NETO1: variants seen among roughly 807,000 people sequenced by gnomAD.
The protein encoded by NETO1 is neuropilin and tolloid-like protein 1.
A neutral mutation model predicts 61.3 loss-of-function variants in NETO1; 26 were observed. The ratio of observed to expected loss-of-function variants is 0.42; its 90% confidence interval spans 0.31 to 0.59. The LOEUF is 0.59. Ranked by LOEUF, NETO1 falls within the 20% of genes least tolerant of loss-of-function variation. NETO1 has a pLI of 0.12. For synonymous variants in NETO1, 225 were observed against 225.8 expected (o/e 1.00, Z 0.03); for missense variants, 531 against 662.8 (o/e 0.80, Z 2.18).
intron 7 of NETO1, among the ~76,000 whole-genome samples, chr18:72,782,372 T>C (rs144427269): frequency 7.2e-4 from 110 of 152,316 alleles, no homozygotes; most frequent in Middle Eastern, 3.4e-3. Context: ...ATTGGGATTG[T>C]TGGGTCAAAT....
chr18:72,800,735 C>T (rs1333630041), intron 4 of NETO1, among the ~76,000 whole-genome samples: 1 of 152,128 alleles, frequency 6.6e-6, no homozygotes, highest in East Asian at 1.9e-4. Flanking sequence ...TGTCTCTTGA[C>T]CCTCTCTATC....
intron 7 of NETO1, among the ~76,000 whole-genome samples, chr18:72,782,984 G>C (rs963477348): frequency 6.6e-6 from 1 of 152,066 alleles, no homozygotes; most frequent in African/African-American, 2.4e-5. Context: ...CATGTCACAA[G>C]GTACTTATTT....
intron 7 of NETO1, among the ~76,000 whole-genome samples, chr18:72,771,654 T>C (rs2145177341): frequency 6.6e-6 from 1 of 152,292 alleles, no homozygotes; most frequent in African/African-American, 2.4e-5. Context: ...GGAGTGATTG[T>C]TTCCTACAAT....
chr18:72,743,323 T>A (rs554130046), downstream of NETO1, among the ~76,000 whole-genome samples: 2 of 152,176 alleles, frequency 1.3e-5, no homozygotes, highest in Non-Finnish European at 2.9e-5. Context: ...TTGACCATTG[T>A]CTCCATTCTT....
intron 4 of NETO1, among the ~76,000 whole-genome samples, chr18:72,797,601 C>T (rs1409653983): frequency 6.6e-6 from 1 of 152,194 alleles, no homozygotes; most frequent in Non-Finnish European, 1.5e-5. Flanking sequence ...CTGGATCTGT[C>T]CCTCAGCCTG....
intron 4 of NETO1, among the ~76,000 whole-genome samples, chr18:72,799,639 GA>G (rs1285237776): frequency 6.6e-6 from 1 of 152,208 alleles, no homozygotes; most frequent in Non-Finnish European, 1.5e-5. Context: ...CATTTTTCAG[GA>G]TGTGATTAAA....
At chr18:72,782,714 G>A (rs1322166958) in intron 7 of NETO1, among the ~76,000 whole-genome samples, 5 of 152,098 alleles carry the variant, frequency 3.3e-5, no homozygotes. Context: ...CGAGGCAGGA[G>A]AATCACTTGA....
intron 4 of NETO1, among the ~76,000 whole-genome samples, chr18:72,795,286 G>A (rs987536426): frequency 1.3e-5 from 2 of 152,172 alleles, no homozygotes; most frequent in East Asian, 3.9e-4. Flanking sequence ...GAGACAAGGT[G>A]TATACCATTT....
intron 4 of NETO1, among the ~76,000 whole-genome samples, chr18:72,815,169 T>G (rs1263365085): frequency 6.6e-6 from 1 of 152,120 alleles, no homozygotes; most frequent in Non-Finnish European, 1.5e-5. Flanking sequence ...GAACTCAATC[T>G]CTGCTTCACA....
intron 3 of NETO1, among the ~76,000 whole-genome samples, chr18:72,862,133 G>T (rs1177336994): frequency 6.6e-6 from 1 of 152,000 alleles, no homozygotes; most frequent in Non-Finnish European, 1.5e-5. Context: ...TACATCTTAT[G>T]TTCTCTCATT....
At chr18:72,855,740 A>T (rs955052894) in intron 4 of NETO1, among the ~76,000 whole-genome samples, 1 of 152,240 alleles carries the variant, frequency 6.6e-6, no homozygotes, top group African/African-American at 2.4e-5. Context: ...TACACAAATT[A>T]GTTTGCCAGT....
chr18:72,864,917 C>A lies in NETO1; in HGVS notation c.111G>T (p.Lys37Asn). 1 of 1,602,058 alleles carries A rather than the reference C, an allele frequency of 6.2e-7. No homozygotes were observed. The highest frequency in any genetic ancestry group is 8.5e-7 in the Non-Finnish European group (1 of 1,177,344). Reference protein sequence around the residue: ...TEKQTTSETQKSVQCGTWTKH... With the variant: ...TEKQTTSETQNSVQCGTWTKH... ...TTGTCCAAGTTCCACACTGCACTGA[C>A]TTCTGTGTTTCTGAGGTGGTTTGCT... is the stretch of plus-strand genomic sequence containing the variant. Residue 37 changes from lysine (K) to asparagine (N), a missense_variant, in exon 3 of 11, where the codon AAG becomes AAT. Coordinates refer to ENST00000327305, the MANE Select transcript of NETO1 (RefSeq NM_138966.5).
intron 8 of NETO1, among the ~76,000 whole-genome samples, chr18:72,752,286 CA>C (rs1198334788): frequency 6.6e-6 from 1 of 152,100 alleles, no homozygotes; most frequent in Admixed American, 6.5e-5. Context: ...TGGGCACTGT[CA>C]AAAGCAGTAG....
chr18:72,784,273 C>T (rs34532184), intron 6 of NETO1, among the ~76,000 whole-genome samples: 13,224 of 152,052 alleles, frequency 0.087, 727 homozygotes, highest in Middle Eastern at 0.18. Flanking sequence ...TGTTTCAGTT[C>T]GATGGCTTCC....
At chr18:72,781,411 T>C (rs115622133) in intron 7 of NETO1, among the ~76,000 whole-genome samples, 1,643 of 152,318 alleles carry the variant, frequency 0.011, 28 homozygotes, top group African/African-American at 0.038. Context: ...TCTCATATGC[T>C]TGTCAATAAA....
chr18:72,798,102 G>C (rs143996814), intron 4 of NETO1, among the ~76,000 whole-genome samples: 91 of 152,242 alleles, frequency 6.0e-4, no homozygotes, highest in African/African-American at 2.0e-3. Flanking sequence ...CTAAGGATGG[G>C]TTCCCCAACC....
At chr18:72,777,442 CA>C (rs536187354) in intron 7 of NETO1, among the ~76,000 whole-genome samples, 1,341 of 85,308 alleles carry the variant, frequency 0.016, 21 homozygotes, top group African/African-American at 0.072. Context: ...AAAACAACAA[CA>C]AAAAAAAAAC....
intron 7 of NETO1, among the ~76,000 whole-genome samples, chr18:72,768,872 A>G (rs1415917438): frequency 6.6e-6 from 1 of 152,238 alleles, no homozygotes; most frequent in Non-Finnish European, 1.5e-5. Flanking sequence ...TCCGCACTCC[A>G]GAAGTGTAAG....
chr18:72,782,832 T>TA (rs1399737950), intron 7 of NETO1, among the ~76,000 whole-genome samples: 1 of 152,016 alleles, frequency 6.6e-6, no homozygotes, highest in Non-Finnish European at 1.5e-5. Context: ...AATACATAAA[T>TA]AAAATAACAG....
Sources: allele counts gnomAD v4.1 joint callset (sites outside exome capture counted in the v4.1 genomes callset), GRCh38; gene constraint gnomAD v4.1.1; transcripts MANE v1.5; gene names NCBI Gene and HGNC (gene_info 2026-07-23, HGNC 2026-07-21).